The following CNTNAP2 variants were observed in gnomAD, a reference collection of about 807,000 sequenced individuals.
CNTNAP2 encodes contactin-associated protein-like 2.
CNTNAP2 carries 98 observed loss-of-function variants against 155.2 expected under a neutral mutation model. The observed-to-expected ratio is 0.63, with a 90% CI of 0.54 to 0.75. The LOEUF (loss-of-function observed/expected upper bound fraction) is 0.75, where lower values mean the gene tolerates loss of function less well. CNTNAP2 is among the 30% of genes least tolerant of loss of function. The pLI is 0.00. For synonymous variants in CNTNAP2, 651 were observed against 631.2 expected, an observed-to-expected ratio of 1.03 and a Z score of -0.47; for missense variants, 1,727 against 1,688.1, an observed-to-expected ratio of 1.02 and a Z score of -0.40.
At chr7:147,374,017 T>A (rs2116919701) in intron 9 of CNTNAP2, among the ~76,000 whole-genome samples, 1 of 152,080 alleles carries the variant, frequency 6.6e-6, no homozygotes, top group Non-Finnish European at 1.5e-5. Flanking sequence ...TCCTAACAGA[T>A]GATGGGAGTT....
chr7:147,177,158 A>G (rs1332510804), intron 8 of CNTNAP2, among the ~76,000 whole-genome samples: 3 of 151,472 alleles, frequency 2.0e-5, no homozygotes, highest in Non-Finnish European at 2.9e-5. Context: ...CAAAGACCAT[A>G]TCTTCTTTAA....
chr7:147,796,671 A>G (rs1797901264), intron 13 of CNTNAP2, among the ~76,000 whole-genome samples: 1 of 152,158 alleles, frequency 6.6e-6, no homozygotes, highest in Non-Finnish European at 1.5e-5. Context: ...TACGCATAAA[A>G]CACAGATGAC....
chr7:147,692,225 G>A (rs141847267), intron 13 of CNTNAP2, among the ~76,000 whole-genome samples: 1 of 152,104 alleles, frequency 6.6e-6, no homozygotes, highest in Non-Finnish European at 1.5e-5. Flanking sequence ...ATTTGTCATT[G>A]CAATGTACCA....
At chr7:146,474,642 C>A (rs1796848030) in intron 1 of CNTNAP2, among the ~76,000 whole-genome samples, 1 of 151,854 alleles carries the variant, frequency 6.6e-6, no homozygotes, top group South Asian at 2.1e-4. Context: ...CTGAAAATAG[C>A]ACAGACTTAG....
chr7:147,790,732 A>G (rs1797807371), intron 13 of CNTNAP2, among the ~76,000 whole-genome samples: 1 of 152,210 alleles, frequency 6.6e-6, no homozygotes, highest in South Asian at 2.1e-4. Context: ...CTATTTAATA[A>G]CTTTTTAAAG....
At chr7:146,988,695 T>C (rs1487107252) in intron 3 of CNTNAP2, among the ~76,000 whole-genome samples, 2 of 152,166 alleles carry the variant, frequency 1.3e-5, no homozygotes, top group Non-Finnish European at 2.9e-5. Flanking sequence ...AGTTAGACCA[T>C]TTGAACACAT....
chr7:147,808,671 A>G (rs1226614001), intron 13 of CNTNAP2, among the ~76,000 whole-genome samples: 1 of 152,204 alleles, frequency 6.6e-6, no homozygotes, highest in Non-Finnish European at 1.5e-5. Context: ...ATGCTGCTAG[A>G]ATGCATCTCC....
chr7:148,388,916 G>C (rs1263898609), intron 22 of CNTNAP2, among the ~76,000 whole-genome samples: 4 of 152,116 alleles, frequency 2.6e-5, no homozygotes, highest in Non-Finnish European at 4.4e-5. Context: ...GGAGTACCCG[G>C]CCATGTGAAG....
chr7:147,484,546 A>G (rs552516733), intron 10 of CNTNAP2, among the ~76,000 whole-genome samples: 1 of 152,226 alleles, frequency 6.6e-6, no homozygotes, highest in African/African-American at 2.4e-5. Context: ...GTCATCTTCT[A>G]TTTTCCGTAG....
In CNTNAP2 at chr7:147,933,544, T is replaced by TAGATAGATAA. The variant is rs1563140060; in HGVS notation, c.2255+29824_2255+29825insGATAGATAAA. 2.3e-3 allele frequency among the ~76,000 whole-genome samples: 182 copies of TAGATAGATAA among 77,484 alleles called. 1 individual carries two copies. The highest frequency in any genetic ancestry group is 5.2e-3 in the African/African-American group (164 of 31,534). The allele number at this position is 77,484 out of a possible 152,430, so 50.8% of individuals were successfully genotyped here. On this transcript the variant is annotated intron_variant, in intron 14 of 23. Transcript: ENST00000361727. ...AGATAGATAGATAGATAGATAGATA[T>TAGATAGATAA]AACAGAATATCATTCAGCCTTAAGA...
intron 18 of CNTNAP2, among the ~76,000 whole-genome samples, chr7:148,210,001 CT>C (rs1002377273): frequency 1.3e-5 from 2 of 152,188 alleles, no homozygotes; most frequent in African/African-American, 4.8e-5. Context: ...CAATTATTAA[CT>C]TAAATGTAAT....
At chr7:146,897,213 T>A (rs947472187) in intron 3 of CNTNAP2, among the ~76,000 whole-genome samples, 2 of 152,158 alleles carry the variant, frequency 1.3e-5, no homozygotes, top group Non-Finnish European at 2.9e-5. Context: ...ACTCAGTGTC[T>A]ATTTTACCTG....
At chr7:146,263,375 C>CT (rs140184824) in intron 1 of CNTNAP2, among the ~76,000 whole-genome samples, 17,389 of 152,094 alleles carry the variant, frequency 0.11, 2,563 homozygotes, top group African/African-American at 0.34. Context: ...CTCCCTTTCT[C>CT]CCTTACTCTT....
intron 1 of CNTNAP2, among the ~76,000 whole-genome samples, chr7:146,486,107 C>T (rs1268161067): frequency 8.6e-6 from 1 of 116,532 alleles, no homozygotes; most frequent in Non-Finnish European, 1.6e-5. Context: ...CTGTGTCGCC[C>T]AGGCTGGAGT....
intron 1 of CNTNAP2, among the ~76,000 whole-genome samples, chr7:146,712,498 T>G (rs1267389121): frequency 6.6e-6 from 1 of 150,516 alleles, no homozygotes; most frequent in Admixed American, 6.7e-5. Context: ...AAAGTTTTTT[T>G]TTTTCCCTAA....
At chr7:147,517,071 T>C (rs896863880) in intron 11 of CNTNAP2, among the ~76,000 whole-genome samples, 1 of 151,714 alleles carries the variant, frequency 6.6e-6, no homozygotes, top group Non-Finnish European at 1.5e-5. Flanking sequence ...GGTTTCACCA[T>C]GTTGGGCAGG....
chr7:147,488,690 A>G (rs1482315532), intron 11 of CNTNAP2, among the ~76,000 whole-genome samples: 1 of 152,194 alleles, frequency 6.6e-6, no homozygotes, highest in Non-Finnish European at 1.5e-5. Context: ...CAGCAGTGCT[A>G]TGAGTGACCT....
At chr7:147,194,451 A>C (rs1258638838) in intron 8 of CNTNAP2, among the ~76,000 whole-genome samples, 1 of 152,130 alleles carries the variant, frequency 6.6e-6, no homozygotes, top group African/African-American at 2.4e-5. Flanking sequence ...ATACAAAGTA[A>C]TGGGATTGCT....
chr7:146,628,782 G>T (rs1799462665), intron 1 of CNTNAP2, among the ~76,000 whole-genome samples: 1 of 152,054 alleles, frequency 6.6e-6, no homozygotes, highest in South Asian at 2.1e-4. Flanking sequence ...GAGCAAAATA[G>T]TCATCTCACA....
Sources: allele counts gnomAD v4.1 joint callset (sites outside exome capture counted in the v4.1 genomes callset), GRCh38; gene constraint gnomAD v4.1.1; transcripts MANE v1.5; gene names NCBI Gene and HGNC (gene_info 2026-07-23, HGNC 2026-07-21).